The following CTNNA2 variants were observed in gnomAD, a reference collection of about 807,000 sequenced individuals.
CTNNA2 encodes catenin alpha 2, also known as catenin alpha-2.
Under a neutral mutation model 101.0 loss-of-function variants are expected in CTNNA2, and 42 were observed. The observed-to-expected ratio is 0.42, with a 90% CI of 0.32 to 0.54. The LOEUF (loss-of-function observed/expected upper bound fraction) is 0.54. Ranked by LOEUF, CTNNA2 falls within the 20% of genes least tolerant of loss-of-function variation. The pLI is 0.14. For missense variants in CTNNA2, 871 were observed against 1,223.1 expected (o/e 0.71, Z 4.29); for synonymous variants, 450 against 456.4 (o/e 0.99, Z 0.18).
At chr2:79,244,942 A>G (rs1345352977) in intron 2 of CTNNA2, among the ~76,000 whole-genome samples, 2 of 151,994 alleles carry the variant, frequency 1.3e-5, no homozygotes, top group Non-Finnish European at 1.5e-5. Context: ...TAAAAATACA[A>G]AAATTAGTTG....
intron 2 of CTNNA2, among the ~76,000 whole-genome samples, chr2:79,299,197 G>T (rs192245484): frequency 2.6e-5 from 4 of 152,270 alleles, no homozygotes; most frequent in Non-Finnish European, 5.9e-5. Context: ...CAGGCAGGGT[G>T]TGATGGCCTG....
chr2:79,749,428 A>G (rs976092415), intron 3 of CTNNA2, among the ~76,000 whole-genome samples: 4 of 152,224 alleles, frequency 2.6e-5, no homozygotes, highest in African/African-American at 9.6e-5. Context: ...AGACTTTGGG[A>G]AAGATAGGAT....
intron 7 of CTNNA2, among the ~76,000 whole-genome samples, chr2:79,960,857 G>A (rs776160229): frequency 6.6e-6 from 1 of 152,086 alleles, no homozygotes; most frequent in Non-Finnish European, 1.5e-5. Flanking sequence ...TCTCTGGCCC[G>A]TGAGGGTGAA....
chr2:79,339,069 A>G (rs1303378686), intron 3 of CTNNA2, among the ~76,000 whole-genome samples: 1 of 152,138 alleles, frequency 6.6e-6, no homozygotes, highest in Non-Finnish European at 1.5e-5. Context: ...ACACTTGGAA[A>G]TCACTCACGT....
chr2:80,436,635 C>T (rs557205132), intron 9 of CTNNA2, among the ~76,000 whole-genome samples: 1 of 152,122 alleles, frequency 6.6e-6, no homozygotes, highest in African/African-American at 2.4e-5. Flanking sequence ...ACTTATTGCT[C>T]ACAGTTCCAG....
At chr2:79,320,064 G>A (rs1676583431) in intron 3 of CTNNA2, 1 of 152,062 alleles carries the variant, frequency 6.6e-6, no homozygotes. Context: ...TCAATGAAGG[G>A]AGAAAGAGTA....
intron 2 of CTNNA2, among the ~76,000 whole-genome samples, chr2:79,714,824 A>T (rs1193795716): frequency 6.6e-6 from 1 of 152,054 alleles, no homozygotes; most frequent in Non-Finnish European, 1.5e-5. Flanking sequence ...TTTTGTATAA[A>T]TTATAAAGGA....
chr2:79,489,709 T>C (rs538285421), intron 4 of CTNNA2, among the ~76,000 whole-genome samples: 1 of 152,270 alleles, frequency 6.6e-6, no homozygotes, highest in South Asian at 2.1e-4. Flanking sequence ...CCCAGAGAAT[T>C]TGAGGAAGAA....
At chr2:79,591,238 C>G (rs1676824841) in intron 1 of CTNNA2, among the ~76,000 whole-genome samples, 1 of 152,084 alleles carries the variant, frequency 6.6e-6, no homozygotes, top group South Asian at 2.1e-4. Context: ...TTTAACCATT[C>G]TCGTTTGGGT....
intron 4 of CTNNA2, among the ~76,000 whole-genome samples, chr2:79,474,690 T>A (rs1671033384): frequency 6.6e-6 from 1 of 152,208 alleles, no homozygotes; most frequent in African/African-American, 2.4e-5. Flanking sequence ...AATGTCTAAG[T>A]CATAGTTCAT....
At chr2:80,496,735 C>G (rs1448099631) in intron 9 of CTNNA2, among the ~76,000 whole-genome samples, 1 of 152,104 alleles carries the variant, frequency 6.6e-6, no homozygotes, top group Non-Finnish European at 1.5e-5. Context: ...TGCATTGCTG[C>G]TAGGGAGTTT....
At chr2:80,393,765 G>A (rs17019153) in intron 8 of CTNNA2, among the ~76,000 whole-genome samples, 1 of 152,150 alleles carries the variant, frequency 6.6e-6, no homozygotes, top group East Asian at 1.9e-4. Context: ...CTAGGAGAAA[G>A]TTTGCTTATC....
intron 16 of CTNNA2, among the ~76,000 whole-genome samples, chr2:80,606,635 T>C (rs1698054877): frequency 6.6e-6 from 1 of 151,954 alleles, no homozygotes; most frequent in Non-Finnish European, 1.5e-5. Context: ...TTATTTTCCT[T>C]GATTCAACAT....
intron 2 of CTNNA2, among the ~76,000 whole-genome samples, chr2:79,740,779 A>G (rs1418831556): frequency 1.3e-5 from 2 of 152,276 alleles, no homozygotes; most frequent in Admixed American, 6.5e-5. Flanking sequence ...AGCATAGAGC[A>G]CAACAACAAT....
intron 9 of CTNNA2, among the ~76,000 whole-genome samples, chr2:80,485,018 TAAC>T (rs1249085533): frequency 6.6e-6 from 1 of 151,956 alleles, no homozygotes; most frequent in Non-Finnish European, 1.5e-5. Context: ...ATAATAATAA[TAAC>T]AATAATAATA....
intron 8 of CTNNA2, among the ~76,000 whole-genome samples, chr2:80,409,964 G>C (rs192552432): frequency 6.6e-6 from 1 of 152,336 alleles, no homozygotes; most frequent in South Asian, 2.1e-4. Context: ...AGGAATTGCA[G>C]AGGTGTTTTT....
At chr2:80,642,504 A>G (rs1309847310) in intron 18 of CTNNA2, among the ~76,000 whole-genome samples, 2 of 152,212 alleles carry the variant, frequency 1.3e-5, no homozygotes, top group African/African-American at 4.8e-5. Flanking sequence ...CTGAAGAAAT[A>G]CTTGGATGAT....
intron 7 of CTNNA2, among the ~76,000 whole-genome samples, chr2:79,977,248 A>ACACACG: frequency 6.6e-6 from 1 of 151,872 alleles, no homozygotes; most frequent in Non-Finnish European, 1.5e-5. Flanking sequence ...ACACACACAC[A>ACACACG]CACACACACT....
At chr2:79,416,384 T>C (rs1678481911) in intron 4 of CTNNA2, among the ~76,000 whole-genome samples, 1 of 151,948 alleles carries the variant, frequency 6.6e-6, no homozygotes. Flanking sequence ...TTCAAAGTCT[T>C]GCTCTAAAGC....
Sources: allele counts gnomAD v4.1 joint callset (sites outside exome capture counted in the v4.1 genomes callset), GRCh38; gene constraint gnomAD v4.1.1; transcripts MANE v1.5; gene names NCBI Gene and HGNC (gene_info 2026-07-23, HGNC 2026-07-21).